Variants in RGS13 observed in about 807,000 individuals in gnomAD.
RGS13 encodes regulator of G protein signaling 13, also known as regulator of G-protein signalling 13.
Under a neutral mutation model 19.9 loss-of-function variants are expected in RGS13, and 14 were observed. The observed-to-expected ratio is 0.70, with a 90% CI of 0.46 to 1.10. The LOEUF is 1.10. Among genes scored for constraint, RGS13 ranks in the 50% least tolerant of loss-of-function variants. The probability of loss-of-function intolerance (pLI) is 0.00; values close to 1 mark genes in which losing one functional copy is unlikely to be tolerated. For synonymous variants in RGS13, 60 were observed against 56.8 expected, an observed-to-expected ratio of 1.06 and a Z score of -0.25; for missense variants, 205 against 187.1, an observed-to-expected ratio of 1.10 and a Z score of -0.56.
At chr1:192,653,929 A>G (rs1221061489) in intron 5 of RGS13, among the ~76,000 whole-genome samples, 1 of 151,852 alleles carries the variant, frequency 6.6e-6, no homozygotes, top group Non-Finnish European at 1.5e-5. Flanking sequence ...AGGAAGGGGA[A>G]CATCACACAC....
intron 3 of RGS13, among the ~76,000 whole-genome samples, chr1:192,641,727 A>T (rs1164984181): frequency 6.6e-6 from 1 of 152,120 alleles, no homozygotes; most frequent in Non-Finnish European, 1.5e-5. Context: ...TCAGAAACTC[A>T]TATTGGGCTG....
chr1:192,659,734 T>C lies in RGS13; in HGVS notation c.*211T>C. On this transcript the variant is annotated 3_prime_UTR_variant, in exon 7 of 7. Transcript: ENST00000391995. ...AATAACAAAATGTACAGCAAGCCTA[T>C]GTAGTTCAATTAATATATAAGGAAA... 2.2e-6 allele frequency: 1 copy of C among 447,308 alleles called. No individual in the cohort carries two copies. Among genetic ancestry groups the C allele is most frequent in the Non-Finnish European group, 3.9e-6 (1 of 255,844 alleles). The allele number at this position is 447,308 out of a possible 1,614,324, so 27.7% of individuals were successfully genotyped here.
chr1:192,645,453 T>C (rs1334321341), intron 4 of RGS13: 1 of 152,180 alleles, frequency 6.6e-6, no homozygotes, highest in Non-Finnish European at 1.5e-5. Context: ...CCCTATTATA[T>C]AGACAATAAA....
Position 192,647,999 on chromosome 1 carries a change from G to T in RGS13, c.127+12G>T, listed in dbSNP as rs202070918. ...AATGGCTACAAAATGTGAGTATTGC[G>T]TATCTGTCATCTTTGAATAACTAGC... On this transcript the variant is annotated intron_variant, in intron 5 of 6. Coordinates refer to ENST00000391995, the MANE Select transcript of RGS13 (RefSeq NM_002927.5). 1.6e-4 allele frequency: 248 copies of T among 1,563,572 alleles called. No homozygotes were observed. The African/African-American group carries it at 3.1e-3, about 19-fold the overall frequency.
At chr1:192,649,721 C>A (rs1020650005) in intron 5 of RGS13, among the ~76,000 whole-genome samples, 2 of 152,190 alleles carry the variant, frequency 1.3e-5, no homozygotes, top group East Asian at 3.9e-4. Flanking sequence ...ATCTATGATT[C>A]TTCTCCTCCA....
intron 3 of RGS13, among the ~76,000 whole-genome samples, chr1:192,639,484 A>G (rs1663067948): frequency 6.6e-6 from 1 of 152,160 alleles, no homozygotes; most frequent in South Asian, 2.1e-4. Flanking sequence ...GGGAACAACA[A>G]AAATGAAGAG....
chr1:192,647,819 A>G (rs1326223367), intron 4 of RGS13, 107 bp from the exon 5 acceptor site: 1 of 551,942 alleles, frequency 1.8e-6, no homozygotes, highest in Non-Finnish European at 3.1e-6. Flanking sequence ...CACAAATGGA[A>G]TGTAAATATA....
rs369512143 is a variant in RGS13 at position 192,641,187 on chromosome 1, GA to G, written c.-5+2992del. Among the ~76,000 whole-genome samples, 155 of 122,924 alleles carry G rather than the reference GA, an allele frequency of 1.3e-3. 1 individual carries two copies. Among genetic ancestry groups the G allele is most frequent in the East Asian group, 3.0e-3 (13 of 4,364 alleles). 80.6% of individuals were successfully genotyped at this position (122,924 alleles called of 152,430 possible). The stretch of plus-strand genomic sequence containing the variant: ...AAGAGAGAGAAAGAAAGAAAAGAAA[GA>G]AAAAAAAGAAAAAAGGAAAGAAAGA... On this transcript the variant is annotated intron_variant, in intron 3 of 6. Coordinates refer to ENST00000391995, the MANE Select transcript of RGS13 (RefSeq NM_002927.5).
Position 192,658,376 on chromosome 1 carries a change from C to T in RGS13, c.294+9C>T. ...CACAGTCCCCTAGAGAGGTAACTAC[C>T]TGACAATGACAGGAATGGAAATCAG... On this transcript the variant is annotated intron_variant, in intron 6 of 6. Coordinates refer to ENST00000391995, the MANE Select transcript of RGS13 (RefSeq NM_002927.5). 1 of 1,604,164 alleles carries T rather than the reference C, an allele frequency of 6.2e-7. No homozygotes were observed. The highest frequency in any genetic ancestry group is 8.5e-7 in the Non-Finnish European group (1 of 1,176,230).
chr1:192,638,347 A>G (rs1459497285), intron 3 of RGS13, 144 bp downstream of exon 3: 1 of 151,794 alleles, frequency 6.6e-6, no homozygotes, highest in Non-Finnish European at 1.5e-5. Flanking sequence ...CTATAATATT[A>G]TTAGTGTTTG....
chr1:192,647,690 T>G (rs948819210), intron 4 of RGS13: 1 of 199,372 alleles, frequency 5.0e-6, no homozygotes, highest in Non-Finnish European at 1.0e-5. Context: ...TGAATAATAT[T>G]TATTAAATTA....
At chr1:192,658,991 T>A (rs955191065) in intron 6 of RGS13, 3 of 174,292 alleles carry the variant, frequency 1.7e-5, no homozygotes, top group Non-Finnish European at 3.6e-5. Flanking sequence ...AAAGCACCAA[T>A]TTCTCTTTTC....
chr1:192,656,654 T>C (rs1663449625), intron 5 of RGS13, among the ~76,000 whole-genome samples: 1 of 152,084 alleles, frequency 6.6e-6, no homozygotes, highest in African/African-American at 2.4e-5. Flanking sequence ...GTTATGTCCT[T>C]GTTGAACCGT....
rs968082258 is a variant in RGS13, at chr1:192,651,388, G to A, written c.127+3401G>A. On this transcript the variant is annotated intron_variant, in intron 5 of 6. Transcript: ENST00000391995. The stretch of plus-strand genomic sequence containing the variant: ...ATAAGGAATCACTGACATAAGTTTT[G>A]CTGTGGAGTTCTGCAGAGAAAAAAG... 2.6e-5 allele frequency among the ~76,000 whole-genome samples: 4 copies of A among 152,178 alleles called. No individual in the cohort carries two copies. In the South Asian group the frequency reaches 8.3e-4, roughly 32 times the overall value.
chr1:192,644,540 A>C (rs1469035969), intron 4 of RGS13, 141 bp downstream of exon 4: 3 of 647,382 alleles, frequency 4.6e-6, no homozygotes, highest in Non-Finnish European at 8.3e-6. Context: ...ATTTCATCAG[A>C]AGAGCAGTCA....
chr1:192,649,024 A>T (rs776391303), intron 5 of RGS13, among the ~76,000 whole-genome samples: 1 of 152,044 alleles, frequency 6.6e-6, no homozygotes, highest in Non-Finnish European at 1.5e-5. Context: ...GAAACACGTT[A>T]ATCAACCATT....
At chr1:192,657,269 G>C (rs1213986632) in intron 5 of RGS13, among the ~76,000 whole-genome samples, 1 of 151,568 alleles carries the variant, frequency 6.6e-6, no homozygotes, top group African/African-American at 2.4e-5. Context: ...CAATTCCTTG[G>C]ATATGCGAAG....
At chr1:192,649,938 C>T (rs1195236187) in intron 5 of RGS13, among the ~76,000 whole-genome samples, 1 of 151,936 alleles carries the variant, frequency 6.6e-6, no homozygotes, top group Non-Finnish European at 1.5e-5. Flanking sequence ...TTATAAATTC[C>T]TTAAGAGCAC....
intron 3 of RGS13, among the ~76,000 whole-genome samples, chr1:192,643,108 C>G (rs1207674660): frequency 1.3e-5 from 2 of 152,012 alleles, no homozygotes; most frequent in Non-Finnish European, 2.9e-5. Flanking sequence ...CAATCCTCCC[C>G]GCTTCAGCCT....
Sources: allele counts gnomAD v4.1 joint callset (sites outside exome capture counted in the v4.1 genomes callset), GRCh38; gene constraint gnomAD v4.1.1; transcripts MANE v1.5; gene names NCBI Gene and HGNC (gene_info 2026-07-23, HGNC 2026-07-21).